TMEM135: variants seen among roughly 807,000 people sequenced by gnomAD.
TMEM135 encodes transmembrane protein 135, also known as peroxisomal membrane protein 52.
In TMEM135, 30 loss-of-function variants were observed where a neutral mutation model predicts 60.3. The ratio of observed to expected loss-of-function variants is 0.50; its 90% CI spans 0.37 to 0.68. TMEM135 has a LOEUF of 0.68. TMEM135 is among the 30% of genes least tolerant of loss of function. The pLI is 0.00. For missense variants in TMEM135, 468 were observed against 548.8 expected, an observed-to-expected ratio of 0.85 and a Z score of 1.47; for synonymous variants, 190 against 186.7, an observed-to-expected ratio of 1.02 and a Z score of -0.14.
At position 87,313,008 on chromosome 11, in the gene TMEM135, T is replaced by C. The variant is rs551675255; in HGVS notation, c.937-417T>C. On this transcript the variant is annotated intron_variant, in intron 10 of 14. Transcript: ENST00000305494. ...GCTGGTGGTGGATTTTCTCAGCTTT[T>C]ATCTGTCTGGAAAAAATCTTTGTTT... is the stretch of plus-strand genomic sequence containing the variant. Among the ~76,000 whole-genome samples, 5 of 151,986 alleles carry C rather than the reference T, an allele frequency of 3.3e-5. 1 individual carries two copies. In the South Asian group the frequency reaches 8.3e-4, roughly 25 times the overall value.
At chr11:87,098,683 T>C (rs1857385389) in intron 4 of TMEM135, among the ~76,000 whole-genome samples, 1 of 151,954 alleles carries the variant, frequency 6.6e-6, no homozygotes, top group Admixed American at 6.6e-5. Context: ...TAACAAAGTA[T>C]CTTATATATA....
intron 2 of TMEM135, 135 bp downstream of exon 2, chr11:87,067,956 G>A: frequency 1.8e-6 from 2 of 1,090,394 alleles, no homozygotes; most frequent in Non-Finnish European, 2.7e-6. Flanking sequence ...TGACATTTAT[G>A]TCAATGAAAG....
intron 4 of TMEM135, among the ~76,000 whole-genome samples, chr11:87,138,498 AC>A (rs33991485): frequency 0.13 from 19,581 of 152,206 alleles, 1,341 homozygotes; most frequent in Middle Eastern, 0.15. Flanking sequence ...TAAACCACAT[AC>A]CCCAATATAA....
At chr11:87,059,496 A>G (rs1198633434) in intron 1 of TMEM135, among the ~76,000 whole-genome samples, 9 of 151,512 alleles carry the variant, frequency 5.9e-5, no homozygotes, top group Non-Finnish European at 1.3e-4. Context: ...TTGTATTTTT[A>G]GTAGAGACAA....
At chr11:87,068,667 CG>C (rs1011204485) in intron 2 of TMEM135, among the ~76,000 whole-genome samples, 5 of 151,894 alleles carry the variant, frequency 3.3e-5, no homozygotes, top group African/African-American at 1.2e-4. Context: ...AAAAATTAGC[CG>C]GGCGTGGTGG....
chr11:87,239,847 A>C (rs1246031341), intron 6 of TMEM135, among the ~76,000 whole-genome samples: 1 of 152,136 alleles, frequency 6.6e-6, no homozygotes, highest in Non-Finnish European at 1.5e-5. Flanking sequence ...AATTTACTTA[A>C]AAGCAACACG....
At chr11:87,111,352 C>G (rs1382050956) in intron 4 of TMEM135, among the ~76,000 whole-genome samples, 1 of 151,968 alleles carries the variant, frequency 6.6e-6, no homozygotes, top group Non-Finnish European at 1.5e-5. Context: ...CTATGTCTAT[C>G]TTTGAAATTT....
intron 5 of TMEM135, among the ~76,000 whole-genome samples, chr11:87,196,108 A>G (rs1468316258): frequency 4.6e-5 from 7 of 152,174 alleles, no homozygotes; most frequent in East Asian, 1.9e-4. Context: ...ACCCAAGAAA[A>G]CAAACCAGTT....
rs928219872 is a variant in TMEM135 at position 87,295,884 on chromosome 11, A to G, written c.551+61A>G. 5.4e-5 allele frequency: 71 copies of G among 1,322,176 alleles called. No homozygotes were observed. In the African/African-American group the frequency reaches 9.2e-4, roughly 17 times the overall value. The allele number at this position is 1,322,176 out of a possible 1,614,324, so 81.9% of individuals were successfully genotyped here. A position where few individuals can be genotyped will look rare whatever the true frequency, so the allele number is the denominator to read the frequency against. ...TACAAGTTAACTTAAAAAATTATAC[A>G]TAATTACAATAAATAGGTATTGACT... On this transcript the variant is annotated intron_variant, in intron 7 of 14. Transcript: ENST00000305494.
chr11:87,196,766 A>C (rs1939967723), intron 5 of TMEM135, among the ~76,000 whole-genome samples: 1 of 142,926 alleles, frequency 7.0e-6, no homozygotes, highest in Non-Finnish European at 1.5e-5. Context: ...CAATGAAAAC[A>C]TGAACTTTCA....
intron 8 of TMEM135, among the ~76,000 whole-genome samples, chr11:87,305,479 G>A (rs995527387): frequency 6.6e-6 from 1 of 151,994 alleles, no homozygotes; most frequent in Non-Finnish European, 1.5e-5. Flanking sequence ...CACACATTTA[G>A]AAGTAGTGAG....
At chr11:87,074,752 G>A (rs905898620) in intron 3 of TMEM135, among the ~76,000 whole-genome samples, 1 of 152,132 alleles carries the variant, frequency 6.6e-6, no homozygotes, top group African/African-American at 2.4e-5. Context: ...ACTTCAGCAC[G>A]TATCTCTTAA....
chr11:87,258,698 C>G (rs1941581737), intron 6 of TMEM135, among the ~76,000 whole-genome samples: 1 of 152,108 alleles, frequency 6.6e-6, no homozygotes, highest in Non-Finnish European at 1.5e-5. Context: ...AATTAAGTCT[C>G]TTCATGAGAC....
chr11:87,264,307 C>CTTTTTTTTTTTTTTTTTT (rs145849024), intron 6 of TMEM135, among the ~76,000 whole-genome samples: 2 of 146,648 alleles, frequency 1.4e-5, no homozygotes, highest in African/African-American at 2.5e-5. Flanking sequence ...TGTTCTTTTT[C>CTTTTTTTTTTTTTTTTTT]TTTTCTTTTT....
chr11:87,292,032 G>A (rs1341121046), intron 6 of TMEM135, among the ~76,000 whole-genome samples: 1 of 152,024 alleles, frequency 6.6e-6, no homozygotes, highest in Non-Finnish European at 1.5e-5. Flanking sequence ...TAATCTACTT[G>A]CTTCTCTTTA....
At position 87,289,698 on chromosome 11, in the gene TMEM135, C is replaced by G. The variant is rs182053975; in HGVS notation, c.510-6084C>G. Among the ~76,000 whole-genome samples, 1,453 of 152,124 alleles carry G rather than the reference C, an allele frequency of 9.6e-3. 7 individuals are homozygous for G. Among genetic ancestry groups the G allele is most frequent in the Non-Finnish European group, 0.016 (1,092 of 67,980 alleles). On this transcript the variant is annotated intron_variant, in intron 6 of 14. Coordinates refer to ENST00000305494, the MANE Select transcript of TMEM135 (RefSeq NM_022918.4). ...CTTGAAATCCTGACCTCAGGTAATC[C>G]GCCCGCCTTGGCTTCCCAAAGTGCT...
Position 87,322,975 on chromosome 11 carries a change from T to C in TMEM135, c.*1642T>C, listed in dbSNP as rs1379435669. The C allele has an allele frequency of 2.2e-6, 1 of 454,416 alleles. No homozygotes were observed. The highest frequency in any genetic ancestry group is 4.4e-6 in the Non-Finnish European group (1 of 226,726). 28.1% of individuals were successfully genotyped at this position (454,416 alleles called of 1,614,324 possible). A position where few individuals can be genotyped will look rare whatever the true frequency, so the allele number is the denominator to read the frequency against. On this transcript the variant is annotated 3_prime_UTR_variant, in exon 15 of 15. Transcript: ENST00000305494. ...TTTTTATTCACTGGAATCAAAACGA[T>C]GGTTGGTACTGTGTTTACTGTTTAA...
intron 7 of TMEM135, among the ~76,000 whole-genome samples, chr11:87,296,538 T>C (rs928527994): frequency 5.3e-5 from 8 of 152,138 alleles, no homozygotes; most frequent in Non-Finnish European, 1.0e-4. Context: ...AGTAGATGCT[T>C]GGTGAAGATC....
chr11:87,041,049 G>A (rs1180456962), intron 1 of TMEM135, among the ~76,000 whole-genome samples: 4 of 152,184 alleles, frequency 2.6e-5, no homozygotes, highest in African/African-American at 9.7e-5. Context: ...AAGTGGTTTT[G>A]TAAGAGAAGC....
Sources: gnomAD v4.1 joint callset for allele counts (sites outside exome capture counted in the v4.1 genomes callset) on GRCh38, gnomAD v4.1.1 for gene constraint, MANE v1.5 for transcripts, NCBI Gene and HGNC (gene_info 2026-07-23, HGNC 2026-07-21) for gene names.